The following ROBO2 variants were observed in gnomAD, a reference collection of about 807,000 sequenced individuals.
ROBO2 encodes roundabout guidance receptor 2.
Under a neutral mutation model 160.8 loss-of-function variants are expected in ROBO2, and 53 were observed. The ratio of observed to expected loss-of-function variants is 0.33; its 90% CI spans 0.26 to 0.41. The LOEUF (loss-of-function observed/expected upper bound fraction) is 0.41, where lower values mean the gene tolerates loss of function less well. ROBO2 is among the 10% of genes least tolerant of loss of function. The probability of loss-of-function intolerance (pLI) is 1.00; values close to 1 mark genes in which losing one functional copy is unlikely to be tolerated. For synonymous variants in ROBO2, 664 were observed against 611.7 expected, an observed-to-expected ratio of 1.09 and a Z score of -1.26; for missense variants, 1,577 against 1,722.4, an observed-to-expected ratio of 0.92 and a Z score of 1.49.
At chr3:75,957,211 G>GCA (rs1948749879) in intron 2 of ROBO2, among the ~76,000 whole-genome samples, 1 of 141,404 alleles carries the variant, frequency 7.1e-6, no homozygotes, top group African/African-American at 2.6e-5. Context: ...CTGTATACAC[G>GCA]CACACACACA....
intron 2 of ROBO2, among the ~76,000 whole-genome samples, chr3:77,254,831 T>C (rs2090756728): frequency 6.6e-6 from 1 of 152,190 alleles, no homozygotes; most frequent in African/African-American, 2.4e-5. Context: ...AGGGGTTAAG[T>C]GTCTTGCTCC....
At chr3:77,512,296 CT>C (rs1582601396) in intron 5 of ROBO2, among the ~76,000 whole-genome samples, 1 of 151,894 alleles carries the variant, frequency 6.6e-6, no homozygotes, top group Non-Finnish European at 1.5e-5. Context: ...AAAGATATTA[CT>C]TGAAAAATTG....
intron 2 of ROBO2, among the ~76,000 whole-genome samples, chr3:76,235,258 C>T (rs1237484922): frequency 6.6e-6 from 1 of 152,024 alleles, no homozygotes; most frequent in African/African-American, 2.4e-5. Context: ...CAGAAACCTC[C>T]CCTCTCTCCC....
intron 2 of ROBO2, among the ~76,000 whole-genome samples, chr3:76,948,895 TATATA>T: frequency 3.5e-5 from 1 of 28,806 alleles, no homozygotes; most frequent in African/African-American, 1.5e-4. Flanking sequence ...TATATATATA[TATATA>T]TATATATATT....
intron 2 of ROBO2, among the ~76,000 whole-genome samples, chr3:76,200,705 GT>G (rs1222284122): frequency 6.6e-6 from 1 of 152,106 alleles, no homozygotes; most frequent in Admixed American, 6.6e-5. Flanking sequence ...AGCACTTTTG[GT>G]CATGTAATGG....
intron 2 of ROBO2, among the ~76,000 whole-genome samples, chr3:77,413,499 G>A (rs547621953): frequency 6.6e-6 from 1 of 152,232 alleles, no homozygotes; most frequent in South Asian, 2.1e-4. Context: ...TTTGCGTTTT[G>A]TTTTGTTTTG....
At chr3:77,627,950 C>G (rs2153710425) in intron 23 of ROBO2, among the ~76,000 whole-genome samples, 1 of 152,208 alleles carries the variant, frequency 6.6e-6, no homozygotes, top group East Asian at 1.9e-4. Context: ...GAATTGATGA[C>G]TGATCATAAA....
At chr3:77,154,407 C>A (rs1232473525) in intron 2 of ROBO2, among the ~76,000 whole-genome samples, 2 of 152,040 alleles carry the variant, frequency 1.3e-5, no homozygotes, top group East Asian at 3.9e-4. Flanking sequence ...ATTTATACAT[C>A]CTTGGTGGGG....
At chr3:76,056,316 G>A (rs2067844506) in intron 2 of ROBO2, among the ~76,000 whole-genome samples, 1 of 152,098 alleles carries the variant, frequency 6.6e-6, no homozygotes, top group African/African-American at 2.4e-5. Context: ...ACTGTATTCA[G>A]ACTGAAACAA....
intron 2 of ROBO2, among the ~76,000 whole-genome samples, chr3:76,592,327 T>C (rs946998971): frequency 2.0e-5 from 3 of 152,144 alleles, no homozygotes; most frequent in African/African-American, 7.2e-5. Context: ...AGCACATTTC[T>C]AAAGAGAGCA....
chr3:76,292,526 T>G (rs1258912377), intron 2 of ROBO2, among the ~76,000 whole-genome samples: 1 of 152,200 alleles, frequency 6.6e-6, no homozygotes, highest in Non-Finnish European at 1.5e-5. Flanking sequence ...ATCCTTTTAC[T>G]TCCATGTGTG....
intron 2 of ROBO2, among the ~76,000 whole-genome samples, chr3:77,301,310 A>C (rs1473332057): frequency 6.6e-6 from 1 of 152,118 alleles, no homozygotes; most frequent in Non-Finnish European, 1.5e-5. Context: ...TTATCAGAAT[A>C]ATTATTCTGG....
chr3:76,916,509 T>C (rs1273158846), intron 2 of ROBO2, among the ~76,000 whole-genome samples: 1 of 147,738 alleles, frequency 6.8e-6, no homozygotes, highest in Non-Finnish European at 1.5e-5. Flanking sequence ...GCCCCACTAA[T>C]TTTTTTATTG....
At chr3:77,640,258 C>A (rs934497722) in intron 24 of ROBO2, among the ~76,000 whole-genome samples, 1 of 151,928 alleles carries the variant, frequency 6.6e-6, no homozygotes, top group East Asian at 1.9e-4. Context: ...ACTAAAGGCG[C>A]CCGCCACCAC....
chr3:76,269,484 T>G (rs897806628), intron 2 of ROBO2, among the ~76,000 whole-genome samples: 2 of 151,928 alleles, frequency 1.3e-5, no homozygotes, highest in South Asian at 2.1e-4. Flanking sequence ...CACTAGATGA[T>G]GAACTTCTGA....
chr3:76,810,215 A>G (rs1338212412), intron 2 of ROBO2, among the ~76,000 whole-genome samples: 1 of 152,096 alleles, frequency 6.6e-6, no homozygotes, highest in Non-Finnish European at 1.5e-5. Context: ...AAATGTACAA[A>G]TTCCTGCAAT....
chr3:76,930,520 G>T (rs764771030), intron 2 of ROBO2, among the ~76,000 whole-genome samples: 3 of 152,088 alleles, frequency 2.0e-5, no homozygotes, highest in Non-Finnish European at 4.4e-5. Context: ...CAAGCTTACA[G>T]TCTGCATTAG....
chr3:76,438,861 G>T (rs1359540452), intron 2 of ROBO2, among the ~76,000 whole-genome samples: 1 of 151,778 alleles, frequency 6.6e-6, no homozygotes, highest in Non-Finnish European at 1.5e-5. Context: ...ACGAGATTTT[G>T]AGATAAGTGT....
At chr3:77,117,969 T>A (rs1340228191) in intron 2 of ROBO2, among the ~76,000 whole-genome samples, 1 of 152,210 alleles carries the variant, frequency 6.6e-6, no homozygotes, top group Admixed American at 6.5e-5. Context: ...AAAATAAGGA[T>A]TGAGCTCTTT....
Sources: allele counts gnomAD v4.1 joint callset (sites outside exome capture counted in the v4.1 genomes callset), GRCh38; gene constraint gnomAD v4.1.1; transcripts MANE v1.5; gene names NCBI Gene and HGNC (gene_info 2026-07-23, HGNC 2026-07-21).